Variants in MPZL3 observed in about 807,000 individuals in gnomAD.
MPZL3 encodes the protein myelin protein zero like 3.
MPZL3 carries 23 observed loss-of-function variants against 24.8 expected under a neutral mutation model. The ratio of observed to expected loss-of-function variants is 0.93; its 90% CI spans 0.67 to 1.31. The LOEUF (loss-of-function observed/expected upper bound fraction) is 1.31, where lower values mean the gene tolerates loss of function less well. MPZL3 is among the 40% of genes most tolerant of loss of function. The probability of loss-of-function intolerance (pLI) is 0.00; values close to 1 mark genes in which losing one functional copy is unlikely to be tolerated. For missense variants in MPZL3, 277 were observed against 294.9 expected (o/e 0.94, Z 0.44); for synonymous variants, 99 against 106.5 (o/e 0.93, Z 0.44).
At chr11:118,230,436 T>C (rs1024578094) in intron 5 of MPZL3, among the ~76,000 whole-genome samples, 2 of 152,212 alleles carry the variant, frequency 1.3e-5, no homozygotes, top group Non-Finnish European at 2.9e-5. Context: ...GTTATGAGAA[T>C]TGAATGAGGC....
At chr11:118,242,052 G>A (rs955033311) in intron 1 of MPZL3, among the ~76,000 whole-genome samples, 3 of 148,986 alleles carry the variant, frequency 2.0e-5, no homozygotes, top group African/African-American at 7.4e-5. Flanking sequence ...TCTAAAAACT[G>A]GAAGGTGGAA....
intron 1 of MPZL3, among the ~76,000 whole-genome samples, chr11:118,251,851 T>G (rs939275): frequency 6.6e-6 from 1 of 152,126 alleles, no homozygotes; most frequent in Non-Finnish European, 1.5e-5. Flanking sequence ...ATGCTAGAAC[T>G]GTTTTCTTTC....
rs577517862 is a variant in MPZL3, at chr11:118,252,154, A to G, written c.73+68T>C. On this transcript the variant is annotated intron_variant, in intron 1 of 5. Transcript: ENST00000278949. The stretch of plus-strand genomic sequence containing the variant: ...CTTTCTGGAGACCCCCCTACCCGGA[A>G]CCGGAAAAGCGACCATCTTCCCTAA... 31 of 1,545,442 alleles carry G rather than the reference A, an allele frequency of 2.0e-5. 1 individual carries two copies. In the South Asian group the frequency reaches 3.5e-4, roughly 17 times the overall value.
intron 1 of MPZL3, among the ~76,000 whole-genome samples, chr11:118,248,860 C>A (rs12364013): frequency 6.6e-6 from 1 of 151,802 alleles, no homozygotes; most frequent in Non-Finnish European, 1.5e-5. Context: ...TTTTTTCCCC[C>A]GTACTGGTAG....
intron 1 of MPZL3, among the ~76,000 whole-genome samples, chr11:118,244,220 G>A (rs926348604): frequency 1.3e-5 from 2 of 152,154 alleles, no homozygotes; most frequent in African/African-American, 4.8e-5. Flanking sequence ...TACATTTCTT[G>A]AGCATCTCTT....
At chr11:118,244,937 G>A (rs557880416) in intron 1 of MPZL3, among the ~76,000 whole-genome samples, 29 of 152,150 alleles carry the variant, frequency 1.9e-4, no homozygotes, top group African/African-American at 6.3e-4. Flanking sequence ...TTAGTGGGGC[G>A]TGGTGGCAGG....
At chr11:118,247,332 C>T (rs1367062489) in intron 1 of MPZL3, among the ~76,000 whole-genome samples, 2 of 152,170 alleles carry the variant, frequency 1.3e-5, no homozygotes, top group African/African-American at 4.8e-5. Flanking sequence ...CCAATCATTA[C>T]ATCTAGTGGT....
At chr11:118,247,461 T>A (rs1949569295) in intron 1 of MPZL3, among the ~76,000 whole-genome samples, 1 of 152,158 alleles carries the variant, frequency 6.6e-6, no homozygotes, top group African/African-American at 2.4e-5. Flanking sequence ...ACAGGTTAAG[T>A]CCCTAATGCT....
chr11:118,233,648 G>C, intron 4 of MPZL3, 125 bp from the exon 5 acceptor site: 1 of 918,666 alleles, frequency 1.1e-6, no homozygotes, highest in Non-Finnish European at 1.7e-6. Context: ...CTCACTAGCT[G>C]GGTGACTGGG....
intron 5 of MPZL3, among the ~76,000 whole-genome samples, chr11:118,231,647 C>T (rs934959191): frequency 6.6e-6 from 1 of 152,214 alleles, no homozygotes; most frequent in African/African-American, 2.4e-5. Context: ...GATTCACCCA[C>T]AGACTTCCAC....
intron 5 of MPZL3, among the ~76,000 whole-genome samples, chr11:118,231,536 C>T (rs1219872270): frequency 6.6e-6 from 1 of 152,150 alleles, no homozygotes; most frequent in African/African-American, 2.4e-5. Context: ...TTCTCAACTC[C>T]ACACCCACAA....
intron 5 of MPZL3, among the ~76,000 whole-genome samples, chr11:118,230,685 C>T (rs1378970502): frequency 1.3e-5 from 2 of 152,096 alleles, no homozygotes; most frequent in African/African-American, 4.8e-5. Context: ...TCTCAGCTGA[C>T]GGCCTTGCTT....
intron 3 of MPZL3, 32 bp from the exon 4 acceptor site, chr11:118,235,621 GGGACAT>G: frequency 6.2e-7 from 1 of 1,604,476 alleles, no homozygotes; most frequent in Non-Finnish European, 8.5e-7. Context: ...GTAAAAGACA[GGGACAT>G]GCAAATATGC....
At chr11:118,233,185 T>C (rs187130764) in intron 5 of MPZL3, among the ~76,000 whole-genome samples, 1 of 152,170 alleles carries the variant, frequency 6.6e-6, no homozygotes, top group Non-Finnish European at 1.5e-5. Flanking sequence ...ACTCCTGTTT[T>C]GGGATTTTCT....
chr11:118,248,070 CTTTTTT>C (rs60335848), intron 1 of MPZL3, among the ~76,000 whole-genome samples: 3 of 98,988 alleles, frequency 3.0e-5, no homozygotes, highest in Admixed American at 1.3e-4. Context: ...ACAGTTTCCT[CTTTTTT>C]TTTTTTTTTT....
chr11:118,238,414 T>G (rs1949452241), intron 2 of MPZL3, among the ~76,000 whole-genome samples: 1 of 152,222 alleles, frequency 6.6e-6, no homozygotes, highest in South Asian at 2.1e-4. Context: ...ACCAAAAGCC[T>G]AATTATCAGA....
At chr11:118,248,069 T>TC (rs1189684599) in intron 1 of MPZL3, among the ~76,000 whole-genome samples, 9 of 101,698 alleles carry the variant, frequency 8.8e-5, no homozygotes, top group Non-Finnish European at 1.6e-4. Context: ...AACAGTTTCC[T>TC]CTTTTTTTTT....
chr11:118,244,062 T>C (rs1291027468), intron 1 of MPZL3, among the ~76,000 whole-genome samples: 1 of 152,142 alleles, frequency 6.6e-6, no homozygotes, highest in Non-Finnish European at 1.5e-5. Flanking sequence ...TATCTTAAAA[T>C]TGTAAAATCC....
chr11:118,229,930 G>A lies in MPZL3; in HGVS notation c.682-10C>T. 1 of 1,612,396 alleles carries A rather than the reference G, an allele frequency of 6.2e-7. No homozygotes were observed. Among genetic ancestry groups the A allele is most frequent in the Non-Finnish European group, 8.5e-7 (1 of 1,179,158 alleles). On this transcript the variant is annotated splice_polypyrimidine_tract_variant and intron_variant, in intron 5 of 5. Transcript: ENST00000278949. ...CTTCATAGTCTGAATCCTGGAGGGAGCAAAACAGCAGGTGTGAAACACAAT... is the reference window on the plus strand; with the variant it reads ...CTTCATAGTCTGAATCCTGGAGGGAACAAAACAGCAGGTGTGAAACACAAT...
Sources: gnomAD v4.1 joint callset for allele counts (sites outside exome capture counted in the v4.1 genomes callset) on GRCh38, gnomAD v4.1.1 for gene constraint, MANE v1.5 for transcripts, NCBI Gene and HGNC (gene_info 2026-07-23, HGNC 2026-07-21) for gene names.